The following RTN4IP1 variants were observed in gnomAD, a reference collection of about 807,000 sequenced individuals.
RTN4IP1 encodes reticulon 4 interacting protein 1.
Under a neutral mutation model 46.6 loss-of-function variants are expected in RTN4IP1, and 32 were observed. The observed-to-expected ratio is 0.69, with a 90% CI of 0.52 to 0.92. The LOEUF is 0.92. RTN4IP1 is among the 40% of genes least tolerant of loss of function. The pLI is 0.00. For missense variants in RTN4IP1, 424 were observed against 485.8 expected, an observed-to-expected ratio of 0.87 and a Z score of 1.20; for synonymous variants, 167 against 161.8, an observed-to-expected ratio of 1.03 and a Z score of -0.24.
chr6:106,628,311 CA>C (rs1776706505), intron 1 of RTN4IP1, among the ~76,000 whole-genome samples: 1 of 151,266 alleles, frequency 6.6e-6, no homozygotes, highest in Non-Finnish European at 1.5e-5. Flanking sequence ...ACTAAAAATA[CA>C]AAAAATTAGC....
intron 8 of RTN4IP1, among the ~76,000 whole-genome samples, chr6:106,578,633 T>G (rs1582856834): frequency 6.6e-6 from 1 of 152,306 alleles, no homozygotes; most frequent in East Asian, 1.9e-4. Flanking sequence ...GAACAGCAGT[T>G]TGCAAACTAG....
chr6:106,630,297 T>C (rs376641439), upstream of RTN4IP1, among the ~76,000 whole-genome samples: 246 of 152,270 alleles, frequency 1.6e-3, 2 homozygotes, highest in African/African-American at 5.6e-3. Context: ...CTTTAATCGG[T>C]GTTGAAGTAA....
At position 106,606,375 on chromosome 6, in the gene RTN4IP1, G is replaced by A. The variant is rs540062472; in HGVS notation, c.621-3453C>T. 4.6e-5 allele frequency among the ~76,000 whole-genome samples: 7 copies of A among 152,230 alleles called. No homozygotes were observed. The South Asian group carries it at 1.0e-3, about 23-fold the overall frequency. ...GCGGAGGTTGCAGTGAGCTAAGATC[G>A]TGCCACTGCCCTCCAGCCTGGGTTA... On this transcript the variant is annotated intron_variant, in intron 4 of 8. Transcript: ENST00000369063.
intron 1 of RTN4IP1, 99 bp from the exon 2 acceptor site, chr6:106,623,068 A>G (rs1173649606): frequency 8.8e-7 from 1 of 1,135,024 alleles, no homozygotes; most frequent in African/African-American, 1.5e-5. Context: ...GGTCTTCAAG[A>G]TGTAGATTAT....
intron 8 of RTN4IP1, among the ~76,000 whole-genome samples, chr6:106,573,225 TA>T (rs1261926308): frequency 6.6e-6 from 1 of 152,220 alleles, no homozygotes; most frequent in Non-Finnish European, 1.5e-5. Flanking sequence ...TTCAAAACTT[TA>T]AGCAAAAATC....
chr6:106,575,631 A>C (rs1216706199), intron 8 of RTN4IP1, among the ~76,000 whole-genome samples: 2 of 152,242 alleles, frequency 1.3e-5, no homozygotes, highest in East Asian at 3.8e-4. Flanking sequence ...CAGCCATGGC[A>C]GCAGGCAGAG....
chr6:106,574,598 G>C (rs933067900), intron 8 of RTN4IP1, among the ~76,000 whole-genome samples: 1 of 152,182 alleles, frequency 6.6e-6, no homozygotes, highest in African/African-American at 2.4e-5. Flanking sequence ...AAGGCCTCCT[G>C]TTAGAACAAC....
chr6:106,580,995 A>G (rs1486363891), intron 8 of RTN4IP1, among the ~76,000 whole-genome samples: 4 of 149,656 alleles, frequency 2.7e-5, no homozygotes, highest in Admixed American at 2.0e-4. Context: ...AAAAAAAAAA[A>G]GCAGGTTGCA....
At chr6:106,621,358 T>G in intron 3 of RTN4IP1, 67 bp downstream of exon 3, 1 of 1,180,266 alleles carries the variant, frequency 8.5e-7, no homozygotes, top group South Asian at 1.2e-5. Flanking sequence ...AAAACACCAG[T>G]TATTTCAGAT....
intron 7 of RTN4IP1, among the ~76,000 whole-genome samples, chr6:106,584,492 G>A (rs537921415): frequency 2.0e-5 from 3 of 152,190 alleles, no homozygotes; most frequent in Non-Finnish European, 4.4e-5. Context: ...ATGGCGTGAG[G>A]CTGAAAAATG....
intron 4 of RTN4IP1, among the ~76,000 whole-genome samples, chr6:106,611,370 G>A (rs1415196016): frequency 1.3e-5 from 2 of 152,128 alleles, no homozygotes; most frequent in Non-Finnish European, 2.9e-5. Context: ...AATTGCCCCA[G>A]ATTTATAGTG....
intron 4 of RTN4IP1, among the ~76,000 whole-genome samples, chr6:106,617,916 T>A (rs1222828304): frequency 6.6e-6 from 1 of 152,188 alleles, no homozygotes; most frequent in Non-Finnish European, 1.5e-5. Flanking sequence ...TCTAAAAATC[T>A]TCAATAAGGT....
intron 1 of RTN4IP1, among the ~76,000 whole-genome samples, chr6:106,626,802 A>G (rs1231796756): frequency 1.3e-5 from 2 of 152,222 alleles, no homozygotes; most frequent in African/African-American, 4.8e-5. Context: ...GCCAATTTGA[A>G]AAATCCTAAA....
At chr6:106,602,673 G>A (rs1775975405) in intron 5 of RTN4IP1, among the ~76,000 whole-genome samples, 1 of 152,002 alleles carries the variant, frequency 6.6e-6, no homozygotes, top group Admixed American at 6.6e-5. Context: ...TCCAGCCTGG[G>A]TGACACAGCA....
chr6:106,583,373 A>AG lies in RTN4IP1; in HGVS notation c.1037_1038insC (p.Gly347TrpfsTer6), dbSNP rs757570648. 1.2e-6 allele frequency: 2 copies of AG among 1,613,788 alleles called. No individual in the cohort carries two copies. The highest frequency in any genetic ancestry group is 8.5e-7 in the Non-Finnish European group (1 of 1,179,778). ...CTGCAATGTCATCTAAACATGGGCC[A>AG]CTGGCCATGAAAAATGCCCAGCGAT... On this transcript the variant is annotated frameshift_variant, in exon 8 of 9. Coordinates refer to ENST00000369063, the MANE Select transcript of RTN4IP1 (RefSeq NM_032730.5). LOFTEE classifies it high-confidence loss of function.
intron 1 of RTN4IP1, 31 bp from the exon 2 acceptor site, chr6:106,623,000 A>C (rs376481626): frequency 1.2e-6 from 2 of 1,607,928 alleles, no homozygotes; most frequent in African/African-American, 2.7e-5. Context: ...GTTTCCTCCA[A>C]ATGTAAGTAT....
intron 3 of RTN4IP1, among the ~76,000 whole-genome samples, chr6:106,620,921 A>G (rs572647070): frequency 2.8e-4 from 43 of 152,256 alleles, no homozygotes; most frequent in African/African-American, 1.0e-3. Flanking sequence ...TCTGGAAAGG[A>G]AATCTTTCTA....
chr6:106,617,638 G>A (rs12663879), intron 4 of RTN4IP1, among the ~76,000 whole-genome samples: 11,570 of 152,088 alleles, frequency 0.076, 1,112 homozygotes, highest in African/African-American at 0.21. Context: ...TACCCACAAA[G>A]CCAACAACAA....
intron 7 of RTN4IP1, chr6:106,583,687 G>T: frequency 2.7e-6 from 1 of 367,408 alleles, no homozygotes; most frequent in African/African-American, 2.1e-5. Context: ...GTAAGCACAG[G>T]AAAGCTTTCC....
Sources: gnomAD v4.1 joint callset for allele counts (sites outside exome capture counted in the v4.1 genomes callset) on GRCh38, gnomAD v4.1.1 for gene constraint, MANE v1.5 for transcripts, NCBI Gene and HGNC (gene_info 2026-07-23, HGNC 2026-07-21) for gene names.